The following SBF2 variants were observed in gnomAD, a reference collection of about 807,000 sequenced individuals.
SBF2 encodes myotubularin-related protein 13.
A neutral mutation model predicts 225.2 loss-of-function variants in SBF2; 112 were observed. That is an observed-to-expected ratio of 0.50 (90% CI 0.43 to 0.58). SBF2 has a LOEUF of 0.58. Ranked by LOEUF, SBF2 falls within the 20% of genes least tolerant of loss-of-function variation. SBF2 has a pLI of 0.00. For synonymous variants in SBF2, 763 were observed against 773.3 expected, an observed-to-expected ratio of 0.99 and a Z score of 0.22; for missense variants, 1,996 against 2,206.2, an observed-to-expected ratio of 0.90 and a Z score of 1.91.
intron 13 of SBF2, among the ~76,000 whole-genome samples, chr11:9,970,242 T>C (rs1231168001): frequency 1.3e-5 from 2 of 151,870 alleles, no homozygotes; most frequent in Non-Finnish European, 2.9e-5. Context: ...AGTCTTGCTC[T>C]GTCGCCCAGG....
intron 2 of SBF2, among the ~76,000 whole-genome samples, chr11:10,107,245 A>G (rs1160455620): frequency 6.6e-6 from 1 of 152,354 alleles, no homozygotes; most frequent in East Asian, 1.9e-4. Flanking sequence ...TATAATAGCC[A>G]AAAAACTAAA....
chr11:9,902,303 C>A (rs1436047211), intron 16 of SBF2, among the ~76,000 whole-genome samples: 3 of 152,194 alleles, frequency 2.0e-5, no homozygotes, highest in Non-Finnish European at 4.4e-5. Context: ...TCAAGCATTT[C>A]TTTCTACTCT....
intron 1 of SBF2, among the ~76,000 whole-genome samples, chr11:10,255,884 G>A (rs545217734): frequency 6.6e-6 from 1 of 152,298 alleles, no homozygotes; most frequent in East Asian, 1.9e-4. Context: ...TGTCAAAACA[G>A]GAAAGAAGCA....
intron 1 of SBF2, among the ~76,000 whole-genome samples, chr11:10,278,788 TA>T (rs11370521): frequency 0.5 from 62,820 of 124,974 alleles, 14,344 homozygotes; most frequent in Non-Finnish European, 0.58. Flanking sequence ...TCCATCTCAA[TA>T]AAAAAAAAAA....
chr11:10,282,130 T>C (rs1963447479), intron 1 of SBF2, among the ~76,000 whole-genome samples: 2 of 152,216 alleles, frequency 1.3e-5, no homozygotes, highest in Admixed American at 1.3e-4. Context: ...GTCCTTATTA[T>C]ACATGACATT....
intron 1 of SBF2, among the ~76,000 whole-genome samples, chr11:10,270,325 T>G (rs1962368767): frequency 6.6e-6 from 1 of 152,210 alleles, no homozygotes; most frequent in African/African-American, 2.4e-5. Flanking sequence ...AATGGTAGAT[T>G]AATACATATT....
intron 16 of SBF2, among the ~76,000 whole-genome samples, chr11:9,944,725 C>A (rs939588286): frequency 2.0e-5 from 3 of 152,134 alleles, no homozygotes; most frequent in Non-Finnish European, 2.9e-5. Context: ...ATTAAAATGG[C>A]CATACTGCCC....
rs575788875 is a variant in SBF2 at position 10,053,208 on chromosome 11, G to A, written c.142-10227C>T. 5.9e-4 allele frequency among the ~76,000 whole-genome samples: 90 copies of A among 152,056 alleles called. No homozygotes were observed. In the South Asian group the frequency reaches 0.017, roughly 29 times the overall value. On this transcript the variant is annotated intron_variant, in intron 2 of 39. Transcript: ENST00000256190. ...ATATCATAACCAATTCCCTATTGTT[G>A]GTTAAGATGTTTATAATTTTTTATA... is the stretch of plus-strand genomic sequence containing the variant.
intron 16 of SBF2, among the ~76,000 whole-genome samples, chr11:9,899,623 G>C (rs1174779588): frequency 2.6e-5 from 4 of 151,916 alleles, no homozygotes; most frequent in Non-Finnish European, 5.9e-5. Context: ...TTGAGAATTA[G>C]AAGGGTCCCA....
chr11:9,827,532 TAAA>T (rs36082411), intron 28 of SBF2, among the ~76,000 whole-genome samples: 126 of 145,930 alleles, frequency 8.6e-4, no homozygotes, highest in African/African-American at 1.7e-3. Context: ...GACTCTGTCT[TAAA>T]AAAAAAAAAA....
intron 2 of SBF2, among the ~76,000 whole-genome samples, chr11:10,101,790 G>A (rs550627121): frequency 7.2e-5 from 11 of 152,062 alleles, no homozygotes; most frequent in South Asian, 2.1e-4. Context: ...AATCTGGTGC[G>A]CTTTGTGCTA....
At chr11:10,239,785 GC>G (rs1415145853) in intron 1 of SBF2, among the ~76,000 whole-genome samples, 1 of 152,162 alleles carries the variant, frequency 6.6e-6, no homozygotes, top group African/African-American at 2.4e-5. Context: ...AAATATAGTA[GC>G]TTGTTTTTAT....
At chr11:9,831,352 A>G (rs1350919499) in intron 27 of SBF2, among the ~76,000 whole-genome samples, 1 of 152,242 alleles carries the variant, frequency 6.6e-6, no homozygotes, top group Non-Finnish European at 1.5e-5. Context: ...ACAGTGTTTC[A>G]GAGGAGAAAT....
intron 13 of SBF2, among the ~76,000 whole-genome samples, chr11:9,969,643 C>G (rs1303725679): frequency 6.6e-6 from 1 of 152,168 alleles, no homozygotes; most frequent in Non-Finnish European, 1.5e-5. Flanking sequence ...TCCTTTCTTG[C>G]ATTTCTTAGC....
At chr11:10,207,270 T>G (rs760438596) in intron 1 of SBF2, among the ~76,000 whole-genome samples, 5 of 151,826 alleles carry the variant, frequency 3.3e-5, no homozygotes, top group Non-Finnish European at 7.4e-5. Flanking sequence ...GAGAGGAAAA[T>G]CCAGACATTC....
chr11:10,222,176 G>A (rs2135408920), intron 1 of SBF2, among the ~76,000 whole-genome samples: 1 of 152,256 alleles, frequency 6.6e-6, no homozygotes, highest in East Asian at 1.9e-4. Context: ...ACACTCTTTG[G>A]AGGAATATAA....
At chr11:10,118,368 G>T (rs373352287) in intron 2 of SBF2, among the ~76,000 whole-genome samples, 37 of 152,224 alleles carry the variant, frequency 2.4e-4, no homozygotes, top group South Asian at 8.3e-4. Flanking sequence ...GTGTCAGGCA[G>T]AATAAGATCC....
At chr11:9,855,648 G>C (rs1331475158) in intron 19 of SBF2, among the ~76,000 whole-genome samples, 1 of 152,122 alleles carries the variant, frequency 6.6e-6, no homozygotes, top group African/African-American at 2.4e-5. Flanking sequence ...GAACAAAACT[G>C]ACAAAGGAAA....
intron 6 of SBF2, among the ~76,000 whole-genome samples, chr11:10,010,238 T>C (rs1948384975): frequency 6.6e-6 from 1 of 152,234 alleles, no homozygotes; most frequent in African/African-American, 2.4e-5. Flanking sequence ...AGAAGCTCTT[T>C]AGTTTAATTA....
Sources: allele counts gnomAD v4.1 joint callset (sites outside exome capture counted in the v4.1 genomes callset), GRCh38; gene constraint gnomAD v4.1.1; transcripts MANE v1.5; gene names NCBI Gene and HGNC (gene_info 2026-07-23, HGNC 2026-07-21).